Variants in PTPN14 observed in about 807,000 individuals in gnomAD.
PTPN14 encodes tyrosine-protein phosphatase non-receptor type 14.
A neutral mutation model predicts 126.8 loss-of-function variants in PTPN14; 53 were observed. The ratio of observed to expected loss-of-function variants is 0.42; its 90% CI spans 0.34 to 0.53. The LOEUF (loss-of-function observed/expected upper bound fraction) is 0.53, where lower values mean the gene tolerates loss of function less well. Ranked by LOEUF, PTPN14 falls within the 20% of genes least tolerant of loss-of-function variation. The pLI, the probability that PTPN14 is intolerant of heterozygous loss-of-function variation, is 0.08. For missense variants in PTPN14, 1,257 were observed against 1,552.9 expected, an observed-to-expected ratio of 0.81 and a Z score of 3.20; for synonymous variants, 630 against 599.3, an observed-to-expected ratio of 1.05 and a Z score of -0.75.
chr1:214,422,437 A>G (rs1408571931), intron 3 of PTPN14, among the ~76,000 whole-genome samples: 2 of 152,194 alleles, frequency 1.3e-5, no homozygotes, highest in African/African-American at 4.8e-5. Flanking sequence ...GCAGCTGTCA[A>G]CTACGGAGCC....
intron 8 of PTPN14, among the ~76,000 whole-genome samples, chr1:214,396,876 G>A (rs1026613972): frequency 3.9e-5 from 6 of 152,196 alleles, no homozygotes; most frequent in African/African-American, 1.4e-4. Context: ...AAAATTTATA[G>A]TTACAACTCT....
chr1:214,494,684 C>T (rs1439961565), intron 1 of PTPN14, among the ~76,000 whole-genome samples: 2 of 152,070 alleles, frequency 1.3e-5, no homozygotes, highest in African/African-American at 4.8e-5. Context: ...ATGAACAAAG[C>T]AGGGAGAACT....
At chr1:214,513,946 C>G (rs1438152052) in intron 1 of PTPN14, among the ~76,000 whole-genome samples, 1 of 152,138 alleles carries the variant, frequency 6.6e-6, no homozygotes, top group African/African-American at 2.4e-5. Flanking sequence ...GAACCAGCAG[C>G]AGCAGCAGCA....
At chr1:214,520,065 A>AAAAAAAAAAATATATAT in intron 1 of PTPN14, among the ~76,000 whole-genome samples, 2 of 71,144 alleles carry the variant, frequency 2.8e-5, no homozygotes, top group African/African-American at 1.5e-4. Context: ...AAAAAAAAAA[A>AAAAAAAAAAATATATAT]ATATATATAT....
At position 214,510,163 on chromosome 1, in the gene PTPN14, A is replaced by G. The variant is rs142697907; in HGVS notation, c.-155+41020T>C. ...ATAAGGGAGGGAGTGGCTGGGCCATAGAACAGTCAAAACACACACAACTTT... is the reference window on the plus strand; with the variant it reads ...ATAAGGGAGGGAGTGGCTGGGCCATGGAACAGTCAAAACACACACAACTTT... On this transcript the variant is annotated intron_variant, in intron 1 of 18. Coordinates refer to ENST00000366956, the MANE Select transcript of PTPN14 (RefSeq NM_005401.5). Among the ~76,000 whole-genome samples, 1,487 of 152,290 alleles carry G rather than the reference A, an allele frequency of 9.8e-3. 22 individuals carry two copies. Among genetic ancestry groups the G allele is most frequent in the African/African-American group, 0.034 (1,410 of 41,550 alleles).
chr1:214,358,110 C>T (rs555407931), intron 18 of PTPN14, 60 bp from the exon 19 acceptor site: 3 of 1,571,396 alleles, frequency 1.9e-6, no homozygotes, highest in Admixed American at 3.5e-5. Context: ...TTGAGCATTC[C>T]TCATTCCCTC....
At chr1:214,388,755 T>C (rs1658683089) in intron 11 of PTPN14, among the ~76,000 whole-genome samples, 1 of 152,170 alleles carries the variant, frequency 6.6e-6, no homozygotes, top group South Asian at 2.1e-4. Context: ...GGTTACTATT[T>C]TGAGAGAAGA....
intron 3 of PTPN14, among the ~76,000 whole-genome samples, chr1:214,437,462 AT>A (rs1659945829): frequency 1.3e-5 from 2 of 152,170 alleles, no homozygotes; most frequent in African/African-American, 4.8e-5. Flanking sequence ...AAAAGGCTAA[AT>A]TCTTATGCAA....
At chr1:214,379,627 T>A (rs1186659189) in intron 13 of PTPN14, among the ~76,000 whole-genome samples, 1 of 152,202 alleles carries the variant, frequency 6.6e-6, no homozygotes, top group African/African-American at 2.4e-5. Context: ...TGCCTCCCAT[T>A]CTATTCAAAG....
Position 214,451,981 on chromosome 1 carries a change from A to G in PTPN14, c.175-7T>C. On this transcript the variant is annotated splice_polypyrimidine_tract_variant and splice_region_variant and intron_variant, in intron 2 of 18. Coordinates refer to ENST00000366956, the MANE Select transcript of PTPN14 (RefSeq NM_005401.5). ...AAAGGCCAAAGTAGTGCGTCTAGAT[A>G]AAAGGGTAAAATAGCATCAGTTCAT... 6.2e-7 allele frequency: 1 copy of G among 1,611,692 alleles called. No homozygotes were observed. The highest frequency in any genetic ancestry group is 1.7e-4 in the Middle Eastern group (1 of 6,050).
chr1:214,524,062 C>G lies in PTPN14; in HGVS notation c.-155+27121G>C, dbSNP rs977135097. On this transcript the variant is annotated intron_variant, in intron 1 of 18. Coordinates refer to ENST00000366956, the MANE Select transcript of PTPN14 (RefSeq NM_005401.5). ...GCAGGGTTTCACCATGTTGGCCAGG[C>G]TGGTCTCAAACTCCTCACCTCGGGT... is the stretch of plus-strand genomic sequence containing the variant. Among the ~76,000 whole-genome samples, 6 of 151,846 alleles carry G rather than the reference C, an allele frequency of 4.0e-5. No individual in the cohort carries two copies. The South Asian group carries it at 1.3e-3, about 32-fold the overall frequency.
chr1:214,508,839 T>C (rs139361446), intron 1 of PTPN14, among the ~76,000 whole-genome samples: 7 of 152,348 alleles, frequency 4.6e-5, no homozygotes, highest in South Asian at 2.1e-4. Flanking sequence ...AAAGCAACGT[T>C]CATCTTCTTA....
At chr1:214,527,327 G>A (rs1046799881) in intron 1 of PTPN14, among the ~76,000 whole-genome samples, 4 of 152,078 alleles carry the variant, frequency 2.6e-5, no homozygotes, top group South Asian at 2.1e-4. Context: ...TTATGCATTC[G>A]ATCAGGAGTA....
chr1:214,545,089 G>A (rs1571662113), intron 1 of PTPN14, among the ~76,000 whole-genome samples: 1 of 151,956 alleles, frequency 6.6e-6, no homozygotes, highest in Admixed American at 6.6e-5. Flanking sequence ...GCAGCAGATG[G>A]GTATGAGAAG....
At chr1:214,481,858 G>A (rs1249086520) in intron 1 of PTPN14, among the ~76,000 whole-genome samples, 1 of 151,860 alleles carries the variant, frequency 6.6e-6, no homozygotes, top group Non-Finnish European at 1.5e-5. Flanking sequence ...ATGGTGGCGG[G>A]CACCTGTAGT....
At chr1:214,430,077 C>T (rs964709678) in intron 3 of PTPN14, among the ~76,000 whole-genome samples, 9 of 152,166 alleles carry the variant, frequency 5.9e-5, no homozygotes, top group African/African-American at 2.2e-4. Flanking sequence ...AAATATAAAT[C>T]CAGGGCTAAC....
chr1:214,533,243 C>T (rs1247489786), intron 1 of PTPN14: 9 of 644,038 alleles, frequency 1.4e-5, no homozygotes, highest in East Asian at 3.4e-5. Context: ...CAGGAAGAGG[C>T]GCAACACCAA....
At chr1:214,474,959 T>C (rs1660835850) in intron 1 of PTPN14, among the ~76,000 whole-genome samples, 1 of 152,202 alleles carries the variant, frequency 6.6e-6, no homozygotes, top group Admixed American at 6.5e-5. Flanking sequence ...AAGTACATCT[T>C]GAATACTTAT....
intron 2 of PTPN14, among the ~76,000 whole-genome samples, chr1:214,458,613 G>A (rs1369890074): frequency 9.1e-5 from 4 of 43,780 alleles, no homozygotes; most frequent in Middle Eastern, 0.023. Context: ...GAGGCACAGG[G>A]TACTTCTATT....
Sources: gnomAD v4.1 joint callset for allele counts (sites outside exome capture counted in the v4.1 genomes callset) on GRCh38, gnomAD v4.1.1 for gene constraint, MANE v1.5 for transcripts, NCBI Gene and HGNC (gene_info 2026-07-23, HGNC 2026-07-21) for gene names.